The following TENM2 variants were observed in gnomAD, a reference collection of about 807,000 sequenced individuals.
TENM2 encodes the protein teneurin transmembrane protein 2.
A neutral mutation model predicts 245.2 loss-of-function variants in TENM2; 52 were observed. The ratio of observed to expected loss-of-function variants is 0.21; its 90% CI spans 0.17 to 0.27. TENM2 has a LOEUF of 0.27. TENM2 is among the 10% of genes least tolerant of loss of function. The pLI, the probability that TENM2 is intolerant of heterozygous loss-of-function variation, is 1.00. For missense variants in TENM2, 3,046 were observed against 3,666.8 expected, an observed-to-expected ratio of 0.83 and a Z score of 4.37; for synonymous variants, 1,363 against 1,438.9, an observed-to-expected ratio of 0.95 and a Z score of 1.19.
chr5:167,014,783 C>A, the TENM2 span, among the ~76,000 whole-genome samples: 1 of 152,190 alleles, frequency 6.6e-6, no homozygotes, highest in Non-Finnish European at 1.5e-5. Flanking sequence ...GAGTCTAAGA[C>A]TGATCATCAG....
chr5:168,135,854 T>C (rs1052872868), intron 12 of TENM2, among the ~76,000 whole-genome samples: 2 of 152,184 alleles, frequency 1.3e-5, no homozygotes, highest in Admixed American at 6.5e-5. Flanking sequence ...AACATCTGAA[T>C]AGCTACCAGC....
At chr5:168,060,227 G>GA (rs79503783) in intron 6 of TENM2, among the ~76,000 whole-genome samples, 329 of 119,466 alleles carry the variant, frequency 2.8e-3, no homozygotes, top group Admixed American at 5.2e-3. Flanking sequence ...TTGTCTCTAC[G>GA]AAAAAAAAAA....
intron 3 of TENM2, among the ~76,000 whole-genome samples, chr5:167,924,204 T>C (rs1777578311): frequency 6.6e-6 from 1 of 152,198 alleles, no homozygotes; most frequent in African/African-American, 2.4e-5. Flanking sequence ...TCCTTACAGG[T>C]GAGCAGAATC....
intron 2 of TENM2, among the ~76,000 whole-genome samples, chr5:167,498,851 ACT>A (rs1768990283): frequency 6.6e-6 from 1 of 152,168 alleles, no homozygotes; most frequent in Admixed American, 6.6e-5. Flanking sequence ...GGAGCGGATT[ACT>A]GAGATGATGA....
chr5:167,454,740 C>T (rs1487711518), intron 2 of TENM2, among the ~76,000 whole-genome samples: 1 of 152,162 alleles, frequency 6.6e-6, no homozygotes, highest in Non-Finnish European at 1.5e-5. Flanking sequence ...CTAACAGTTA[C>T]ATCAGATCTG....
chr5:167,538,230 T>A (rs544578681), intron 2 of TENM2, among the ~76,000 whole-genome samples: 1 of 152,334 alleles, frequency 6.6e-6, no homozygotes, highest in Admixed American at 6.5e-5. Context: ...TGAAAACACA[T>A]GTGTAGTTGG....
intron 1 of TENM2, chr5:167,306,554 G>A (rs147395294): frequency 1.3e-5 from 2 of 151,922 alleles, no homozygotes; most frequent in African/African-American, 4.8e-5. Flanking sequence ...CTGGTTGTAC[G>A]GAACATCACA....
rs144281310 is a variant in TENM2 at position 167,846,781 on chromosome 5, G to T, written c.503-29205G>T. ...GGATTCTCCTTAAGTGGCACCTTTT[G>T]GTTCACATAAATAAACTTGTCTTCC... On this transcript the variant is annotated intron_variant, in intron 2 of 28. Transcript: ENST00000518659. 9.8e-3 allele frequency among the ~76,000 whole-genome samples: 1,498 copies of T among 152,236 alleles called. 101 individuals carry two copies. The highest frequency in any genetic ancestry group is 0.088 in the Admixed American group (1,350 of 15,286).
intron 9 of TENM2, among the ~76,000 whole-genome samples, chr5:168,115,532 A>T (rs914583334): frequency 2.6e-5 from 4 of 152,026 alleles, no homozygotes; most frequent in Non-Finnish European, 5.9e-5. Context: ...AGGAAGGAGG[A>T]TGTAATAGGA....
intron 25 of TENM2, among the ~76,000 whole-genome samples, chr5:168,229,076 A>ATAAT (rs1484624877): frequency 1.0e-4 from 15 of 148,802 alleles, no homozygotes; most frequent in African/African-American, 2.2e-4. Context: ...AATTATATGT[A>ATAAT]TAATTATAAT....
intron 2 of TENM2, among the ~76,000 whole-genome samples, chr5:167,566,985 A>T (rs1001670937): frequency 6.6e-6 from 1 of 152,214 alleles, no homozygotes; most frequent in Non-Finnish European, 1.5e-5. Flanking sequence ...ATGTTAATTA[A>T]TGTGAGCAGT....
At chr5:167,123,322 T>A in the TENM2 span, among the ~76,000 whole-genome samples, 1 of 152,146 alleles carries the variant, frequency 6.6e-6, no homozygotes, top group African/African-American at 2.4e-5. Flanking sequence ...AGCAAGACTC[T>A]GTCTCAAAAA....
intron 2 of TENM2, among the ~76,000 whole-genome samples, chr5:167,414,351 T>A: frequency 1.3e-5 from 2 of 152,290 alleles, no homozygotes; most frequent in Admixed American, 1.3e-4. Context: ...GGTAAATACA[T>A]ATTTTATAAA....
the TENM2 span, among the ~76,000 whole-genome samples, chr5:167,115,701 CA>C: frequency 6.6e-6 from 1 of 152,040 alleles, no homozygotes; most frequent in South Asian, 2.1e-4. Context: ...AGTTTAAAAA[CA>C]GAAAATAAAT....
the TENM2 span, among the ~76,000 whole-genome samples, chr5:167,039,307 T>A: frequency 0.63 from 95,569 of 151,832 alleles, 32,131 homozygotes; most frequent in African/African-American, 0.88. Context: ...ACTGGGGAGA[T>A]TCTTGGATTT....
At chr5:167,527,620 T>TGAGA (rs1771211331) in intron 2 of TENM2, among the ~76,000 whole-genome samples, 1 of 152,172 alleles carries the variant, frequency 6.6e-6, no homozygotes, top group South Asian at 2.1e-4. Flanking sequence ...ATACTTCTTA[T>TGAGA]TCACCTGTGA....
chr5:167,041,201 A>T, the TENM2 span, among the ~76,000 whole-genome samples: 2 of 152,246 alleles, frequency 1.3e-5, no homozygotes, highest in Non-Finnish European at 2.9e-5. Flanking sequence ...AACACTTTCC[A>T]GGTACTACAC....
chr5:167,826,196 G>C (rs890014500), intron 2 of TENM2, among the ~76,000 whole-genome samples: 1 of 152,178 alleles, frequency 6.6e-6, no homozygotes, highest in Non-Finnish European at 1.5e-5. Flanking sequence ...ATGAAGAATT[G>C]AGAGTTTCAT....
At chr5:167,337,356 A>T (rs1044041373) in intron 1 of TENM2, among the ~76,000 whole-genome samples, 19 of 152,126 alleles carry the variant, frequency 1.2e-4, no homozygotes, top group Admixed American at 1.2e-3. Flanking sequence ...TTCAGGCAGA[A>T]CTAGTTTGTA....
Sources: allele counts gnomAD v4.1 joint callset (sites outside exome capture counted in the v4.1 genomes callset), GRCh38; gene constraint gnomAD v4.1.1; transcripts MANE v1.5; gene names NCBI Gene and HGNC (gene_info 2026-07-23, HGNC 2026-07-21).